The following AFF3 variants were observed in gnomAD, a reference collection of about 807,000 sequenced individuals.
AFF3 encodes the protein ALF transcription elongation factor 3, also known as AF4/FMR2 family member 3.
Under a neutral mutation model 129.7 loss-of-function variants are expected in AFF3, and 32 were observed. The observed-to-expected ratio is 0.25, with a 90% confidence interval of 0.19 to 0.33. AFF3 has a LOEUF of 0.33. Ranked by LOEUF, AFF3 falls within the 10% of genes least tolerant of loss-of-function variation. The pLI is 1.00. For missense variants in AFF3, 1,373 were observed against 1,592.0 expected, an observed-to-expected ratio of 0.86 and a Z score of 2.34; for synonymous variants, 644 against 635.4, an observed-to-expected ratio of 1.01 and a Z score of -0.20.
chr2:99,986,665 A>C (rs528987549), intron 7 of AFF3, among the ~76,000 whole-genome samples: 1 of 152,312 alleles, frequency 6.6e-6, no homozygotes, highest in African/African-American at 2.4e-5. Context: ...GTTTTACCTA[A>C]AGAACAATAA....
At chr2:99,853,389 A>G (rs1489842728) in intron 7 of AFF3, among the ~76,000 whole-genome samples, 2 of 152,196 alleles carry the variant, frequency 1.3e-5, no homozygotes, top group Non-Finnish European at 2.9e-5. Context: ...CCCTTTCTGA[A>G]GTAGAAATAA....
chr2:100,059,231 C>A (rs1573292843), intron 4 of AFF3, among the ~76,000 whole-genome samples: 1 of 102,972 alleles, frequency 9.7e-6, no homozygotes, highest in East Asian at 3.3e-4. Context: ...CCAGCCTGGG[C>A]AACAGAAGTG....
intron 7 of AFF3, among the ~76,000 whole-genome samples, chr2:99,861,772 G>A (rs2105917120): frequency 6.6e-6 from 1 of 152,248 alleles, no homozygotes; most frequent in South Asian, 2.1e-4. Flanking sequence ...AACAATAAAT[G>A]TCCAGAGCCA....
intron 9 of AFF3, among the ~76,000 whole-genome samples, chr2:99,751,231 T>A (rs1014779952): frequency 6.6e-6 from 1 of 152,122 alleles, no homozygotes; most frequent in Admixed American, 6.5e-5. Flanking sequence ...GTAGCTGGGA[T>A]TACATGCATG....
intron 12 of AFF3, among the ~76,000 whole-genome samples, chr2:99,667,137 T>A (rs1420064372): frequency 6.6e-6 from 1 of 152,120 alleles, no homozygotes; most frequent in African/African-American, 2.4e-5. Flanking sequence ...ATATCTTGGG[T>A]CATAAAAAAT....
chr2:99,705,828 C>T (rs1278389517), intron 11 of AFF3, among the ~76,000 whole-genome samples: 2 of 125,144 alleles, frequency 1.6e-5, no homozygotes, highest in African/African-American at 3.0e-5. Flanking sequence ...GAGCCGAGAT[C>T]GTGTCATTGT....
chr2:100,005,115 T>C (rs1340181135), intron 7 of AFF3, among the ~76,000 whole-genome samples: 2 of 152,174 alleles, frequency 1.3e-5, no homozygotes, highest in Non-Finnish European at 2.9e-5. Context: ...ATACACAGCA[T>C]GTTCTTTCCA....
At chr2:99,906,309 C>T (rs553671004) in intron 7 of AFF3, among the ~76,000 whole-genome samples, 13 of 152,276 alleles carry the variant, frequency 8.5e-5, no homozygotes, top group African/African-American at 2.9e-4. Context: ...TTAGGAAACA[C>T]GCTTGGCCAC....
intron 1 of AFF3, among the ~76,000 whole-genome samples, chr2:100,130,472 G>A (rs1250830014): frequency 6.6e-6 from 1 of 152,202 alleles, no homozygotes; most frequent in Non-Finnish European, 1.5e-5. Context: ...TTAGAAAACA[G>A]ATTTCCCTTT....
intron 4 of AFF3, among the ~76,000 whole-genome samples, chr2:100,047,038 G>T (rs1273325140): frequency 6.6e-6 from 1 of 151,868 alleles, no homozygotes; most frequent in African/African-American, 2.4e-5. Flanking sequence ...ACTTTCCACT[G>T]TAACAGCCAC....
intron 17 of AFF3, among the ~76,000 whole-genome samples, chr2:99,581,015 T>C (rs147365882): frequency 2.4e-4 from 37 of 152,306 alleles, no homozygotes; most frequent in East Asian, 1.4e-3. Context: ...ACTGAAACCA[T>C]TGGTGGTGAA....
chr2:100,092,890 T>C (rs2699616), intron 4 of AFF3, among the ~76,000 whole-genome samples: 66,889 of 146,520 alleles, frequency 0.46, 15,589 homozygotes, highest in Non-Finnish European at 0.49. Flanking sequence ...CTTAGACTAA[T>C]GAAATAATCT....
intron 7 of AFF3, among the ~76,000 whole-genome samples, chr2:99,885,078 C>G (rs1020110108): frequency 6.6e-6 from 1 of 152,162 alleles, no homozygotes; most frequent in African/African-American, 2.4e-5. Context: ...CGTTAATAGC[C>G]CCTCATCACC....
At chr2:99,871,394 T>A (rs115735238) in intron 7 of AFF3, among the ~76,000 whole-genome samples, 2,028 of 152,298 alleles carry the variant, frequency 0.013, 45 homozygotes, top group African/African-American at 0.046. Flanking sequence ...TAAATATTTA[T>A]TTAAATCACG....
At chr2:99,718,310 T>C (rs1455181267) in intron 11 of AFF3, among the ~76,000 whole-genome samples, 2 of 152,242 alleles carry the variant, frequency 1.3e-5, no homozygotes, top group Non-Finnish European at 2.9e-5. Flanking sequence ...TCTCTCCATT[T>C]AGTTAGGTTT....
At chr2:99,816,397 TA>T (rs1687236120) in intron 8 of AFF3, among the ~76,000 whole-genome samples, 1 of 152,230 alleles carries the variant, frequency 6.6e-6, no homozygotes, top group Non-Finnish European at 1.5e-5. Context: ...TGCTGTTTTG[TA>T]AGTCTTGTAA....
intron 13 of AFF3, among the ~76,000 whole-genome samples, chr2:99,631,687 T>G (rs1294528066): frequency 6.6e-6 from 1 of 152,252 alleles, no homozygotes; most frequent in Non-Finnish European, 1.5e-5. Flanking sequence ...TAGAATCTCC[T>G]TCTTTTGTAA....
chr2:99,979,271 C>T (rs1423406635), intron 7 of AFF3, among the ~76,000 whole-genome samples: 2 of 151,938 alleles, frequency 1.3e-5, no homozygotes, highest in Non-Finnish European at 2.9e-5. Context: ...AAATCAGTGC[C>T]TAAGAACTAG....
intron 11 of AFF3, among the ~76,000 whole-genome samples, chr2:99,695,178 C>G (rs1319150677): frequency 6.6e-6 from 1 of 152,142 alleles, no homozygotes; most frequent in Non-Finnish European, 1.5e-5. Flanking sequence ...CTGTGTATTT[C>G]ATACTTAAGC....
Sources: allele counts gnomAD v4.1 joint callset (sites outside exome capture counted in the v4.1 genomes callset), GRCh38; gene constraint gnomAD v4.1.1; transcripts MANE v1.5; gene names NCBI Gene and HGNC (gene_info 2026-07-23, HGNC 2026-07-21).